EVI5: variants seen among roughly 807,000 people sequenced by gnomAD.
EVI5 encodes the protein ecotropic viral integration site 5.
A neutral mutation model predicts 112.0 loss-of-function variants in EVI5; 73 were observed. That is an observed-to-expected ratio of 0.65 (90% confidence interval 0.54 to 0.79). EVI5 has a LOEUF of 0.79. EVI5 is among the 30% of genes least tolerant of loss of function. The probability of loss-of-function intolerance (pLI) is 0.00; values close to 1 mark genes in which losing one functional copy is unlikely to be tolerated. For missense variants in EVI5, 900 were observed against 968.8 expected (o/e 0.93, Z 0.94); for synonymous variants, 305 against 319.9 (o/e 0.95, Z 0.50).
intron 1 of EVI5, among the ~76,000 whole-genome samples, chr1:92,741,882 T>C (rs917136602): frequency 6.6e-6 from 1 of 151,974 alleles, no homozygotes; most frequent in Non-Finnish European, 1.5e-5. Flanking sequence ...GAAGAAAACG[T>C]AAGGGAAAAA....
At chr1:92,611,125 C>T (rs1557896312) in intron 16 of EVI5, among the ~76,000 whole-genome samples, 1 of 32,464 alleles carries the variant, frequency 3.1e-5, no homozygotes, top group African/African-American at 1.3e-4. Context: ...AAATAAATCC[C>T]CCCAAAAAAA....
chr1:92,571,938 G>A (rs903189395), intron 18 of EVI5, among the ~76,000 whole-genome samples: 5 of 152,036 alleles, frequency 3.3e-5, no homozygotes, highest in African/African-American at 9.7e-5. Context: ...CAACAACTTT[G>A]GTATTCCGTA....
At chr1:92,662,931 A>T in intron 12 of EVI5, 66 bp from the exon 13 acceptor site, 3 of 776,908 alleles carry the variant, frequency 3.9e-6, no homozygotes, top group Non-Finnish European at 3.3e-6. Flanking sequence ...TGCCTTTGTG[A>T]GGTTTAGTTA....
chr1:92,714,235 A>T, intron 2 of EVI5: 1 of 568,212 alleles, frequency 1.8e-6, no homozygotes, highest in Non-Finnish European at 2.2e-6. Context: ...AAAAGAAAAA[A>T]GTTTCTTCAT....
Position 92,704,657 on chromosome 1 carries a change from G to A in EVI5, c.237C>T (p.Ala79=). The A allele has an allele frequency of 6.2e-7, 1 of 1,604,146 alleles. No individual in the cohort carries two copies. Among genetic ancestry groups the A allele is most frequent in the Non-Finnish European group, 8.5e-7 (1 of 1,173,538 alleles). ...SGSSLVSSSS[A]SSNLSHLEED... is the part of the protein sequence containing the mutation. The stretch of plus-strand genomic sequence containing the variant: ...CTTCAAGGTGACTGAGGTTGCTAGA[G>A]GCTGATGAACTCGACACAAGAGAAG... The change falls in exon 3 of 20, where the codon GCC becomes GCT. Residue 79 remains alanine, a synonymous_variant. Transcript: ENST00000684568.
chr1:92,537,442 T>C (rs1052664017), intron 19 of EVI5, among the ~76,000 whole-genome samples: 3 of 152,330 alleles, frequency 2.0e-5, no homozygotes, highest in African/African-American at 4.8e-5. Context: ...AATAATCACA[T>C]AGTTTGTATT....
chr1:92,512,651 C>T lies in EVI5; in HGVS notation c.*1005G>A, dbSNP rs1659257081. 1 of 152,010 alleles carries T rather than the reference C, an allele frequency of 6.6e-6. No homozygotes were observed. Among genetic ancestry groups the T allele is most frequent in the Admixed American group, 6.5e-5 (1 of 15,270 alleles). 9.4% of individuals were successfully genotyped at this position (152,010 alleles called of 1,614,324 possible). A position where few individuals can be genotyped will look rare whatever the true frequency, so the allele number is the denominator to read the frequency against. On this transcript the variant is annotated 3_prime_UTR_variant, in exon 20 of 20. Coordinates refer to ENST00000684568, the MANE Select transcript of EVI5 (RefSeq NM_001350197.2). ...GTATGTCTGTAGTTAACCTACTACT[C>T]TAGTAACCAACACATGGAAGCATCA...
chr1:92,707,284 A>C (rs923686374), intron 2 of EVI5, among the ~76,000 whole-genome samples: 1 of 151,962 alleles, frequency 6.6e-6, no homozygotes, highest in Non-Finnish European at 1.5e-5. Flanking sequence ...AAAAGAAAAA[A>C]TTGATTTAAA....
intron 18 of EVI5, among the ~76,000 whole-genome samples, chr1:92,575,584 T>C (rs1670943100): frequency 1.9e-5 from 1 of 53,638 alleles, no homozygotes; most frequent in Non-Finnish European, 3.7e-5. Context: ...TTTTTTTTTT[T>C]TCTGAGACAG....
chr1:92,777,031 T>G (rs765755007), intron 1 of EVI5, among the ~76,000 whole-genome samples: 1 of 152,146 alleles, frequency 6.6e-6, no homozygotes, highest in African/African-American at 2.4e-5. Flanking sequence ...CTCAATCTCC[T>G]GACCTCGTGA....
Position 92,636,323 on chromosome 1 carries a change from G to A in EVI5, c.1406C>T (p.Ser469Phe). Residue 469 changes from serine to phenylalanine, a missense_variant, in exon 14 of 20, where the codon TCC (serine) becomes TTC (phenylalanine). Ser to Phe is a radical substitution (Grantham distance 155). Coordinates refer to ENST00000684568, the MANE Select transcript of EVI5 (RefSeq NM_001350197.2). ...QHQQQWHKCS[S>F]NYNEDFVLQL... ...TAGCACAAAATCTTCGTTGTAGTTG[G>A]AACTGCATTTATGCTAAAGGTTACA... 1 of 1,613,476 alleles carries A rather than the reference G, an allele frequency of 6.2e-7. No individual in the cohort carries two copies. The highest frequency in any genetic ancestry group is 8.5e-7 in the Non-Finnish European group (1 of 1,179,560).
chr1:92,630,506 G>C (rs548535823), intron 14 of EVI5, among the ~76,000 whole-genome samples: 8 of 152,298 alleles, frequency 5.3e-5, no homozygotes, highest in Admixed American at 2.6e-4. Flanking sequence ...CCCACTTGTT[G>C]ATGGGGTTGT....
chr1:92,587,680 A>G (rs904860449), intron 18 of EVI5, among the ~76,000 whole-genome samples: 3 of 152,200 alleles, frequency 2.0e-5, no homozygotes, highest in Non-Finnish European at 2.9e-5. Flanking sequence ...GGTATTGCCC[A>G]TCTGAGGCAT....
rs142947696 is a variant in EVI5 at position 92,515,998 on chromosome 1, G to A, written c.2167-2028C>T. Among the ~76,000 whole-genome samples, 445 of 152,174 alleles carry A rather than the reference G, an allele frequency of 2.9e-3. 1 individual carries two copies. Among genetic ancestry groups the A allele is most frequent in the African/African-American group, 0.01 (421 of 41,504 alleles). On this transcript the variant is annotated intron_variant, in intron 19 of 19. Coordinates refer to ENST00000684568, the MANE Select transcript of EVI5 (RefSeq NM_001350197.2). ...TACCATTCTCCTTGGCAGAACAGAG[G>A]GATCTATACTTGGAGTTGAATCTTT... is the stretch of plus-strand genomic sequence containing the variant.
At chr1:92,652,349 G>A (rs904214851) in intron 13 of EVI5, among the ~76,000 whole-genome samples, 1 of 152,084 alleles carries the variant, frequency 6.6e-6, no homozygotes, top group Non-Finnish European at 1.5e-5. Flanking sequence ...TGGGAAGATG[G>A]GAAAAGATTA....
intron 1 of EVI5, among the ~76,000 whole-genome samples, chr1:92,776,274 AATAAATTGT>A (rs1188535179): frequency 2.2e-4 from 34 of 152,298 alleles, no homozygotes; most frequent in African/African-American, 8.2e-4. Context: ...TTTAAAGGTG[AATAAATTGT>A]ATAAACATTG....
chr1:92,587,465 T>A (rs1295849534), intron 18 of EVI5, among the ~76,000 whole-genome samples: 5 of 151,466 alleles, frequency 3.3e-5, no homozygotes, highest in African/African-American at 1.2e-4. Flanking sequence ...AGCTTTATGA[T>A]AAATTCCATC....
chr1:92,614,284 CA>C (rs988689510), intron 16 of EVI5, among the ~76,000 whole-genome samples: 1 of 151,978 alleles, frequency 6.6e-6, no homozygotes, highest in African/African-American at 2.4e-5. Flanking sequence ...CAGCTTTCAA[CA>C]AAAAAATTAC....
chr1:92,770,298 A>G (rs996022041), intron 1 of EVI5, among the ~76,000 whole-genome samples: 1 of 152,246 alleles, frequency 6.6e-6, no homozygotes, highest in Non-Finnish European at 1.5e-5. Context: ...GCTGTATAGC[A>G]TTCCATCATA....
Sources: gnomAD v4.1 joint callset for allele counts (sites outside exome capture counted in the v4.1 genomes callset) on GRCh38, gnomAD v4.1.1 for gene constraint, MANE v1.5 for transcripts, NCBI Gene and HGNC (gene_info 2026-07-23, HGNC 2026-07-21) for gene names.